The following LRRC37A2 variants were observed in gnomAD, a reference collection of about 807,000 sequenced individuals.
LRRC37A2 encodes leucine rich repeat containing 37 member A2.
Under a neutral mutation model 68.8 loss-of-function variants are expected in LRRC37A2, and 9 were observed. The ratio of observed to expected loss-of-function variants is 0.13; its 90% confidence interval spans 0.08 to 0.23. LRRC37A2 has a LOEUF of 0.23. Ranked by LOEUF, LRRC37A2 falls within the 10% of genes least tolerant of loss-of-function variation. LRRC37A2 has a pLI of 1.00. For missense variants in LRRC37A2, 168 were observed against 950.4 expected (o/e 0.18, Z 10.82); for synonymous variants, 63 against 367.6 (o/e 0.17, Z 9.48).
At chr17:46,775,130 C>T in the LRRC37A2 span, among the ~76,000 whole-genome samples, 140 of 152,316 alleles carry the variant, frequency 9.2e-4, no homozygotes, top group African/African-American at 3.2e-3. Context: ...GACACAGGGC[C>T]GAGCCAAACA....
the LRRC37A2 span, among the ~76,000 whole-genome samples, chr17:46,747,156 A>C: frequency 6.6e-6 from 1 of 152,246 alleles, no homozygotes; most frequent in African/African-American, 2.4e-5. Context: ...AATGTGAATT[A>C]GCTATCCAGC....
chr17:46,955,895 G>A, the LRRC37A2 span, among the ~76,000 whole-genome samples: 1 of 152,124 alleles, frequency 6.6e-6, no homozygotes, highest in East Asian at 1.9e-4. Flanking sequence ...TCTAGAGCAA[G>A]AGCTGTGTCT....
chr17:46,780,600 C>A, the LRRC37A2 span, among the ~76,000 whole-genome samples: 1 of 151,984 alleles, frequency 6.6e-6, no homozygotes, highest in Non-Finnish European at 1.5e-5. Flanking sequence ...CACGGTGAAA[C>A]CCCGTCTCTA....
At chr17:46,970,175 G>A in the LRRC37A2 span, among the ~76,000 whole-genome samples, 51 of 152,240 alleles carry the variant, frequency 3.3e-4, no homozygotes, top group Non-Finnish European at 5.9e-4. Context: ...CGGCTGTCCT[G>A]CCTCATCTCC....
chr17:46,649,581 TATA>T, the LRRC37A2 span, among the ~76,000 whole-genome samples: 2 of 150,566 alleles, frequency 1.3e-5, no homozygotes, highest in Non-Finnish European at 2.9e-5. Context: ...AGTTGGTGAT[TATA>T]ATGAGGGTGG....
the LRRC37A2 span, among the ~76,000 whole-genome samples, chr17:47,046,173 A>G: frequency 1.5e-5 from 2 of 131,318 alleles, no homozygotes; most frequent in Non-Finnish European, 3.3e-5. Flanking sequence ...CTGAAAATAC[A>G]AAAGTACAAA....
At chr17:46,815,858 A>T in the LRRC37A2 span, among the ~76,000 whole-genome samples, 3 of 151,940 alleles carry the variant, frequency 2.0e-5, no homozygotes, top group African/African-American at 7.3e-5. Flanking sequence ...TGCCCACCAA[A>T]CACCCAAGCT....
the LRRC37A2 span, among the ~76,000 whole-genome samples, chr17:46,919,141 C>G: frequency 2.6e-5 from 4 of 152,286 alleles, no homozygotes; most frequent in East Asian, 7.7e-4. Context: ...TCAGCCCTTG[C>G]ATTGTGCTTG....
At chr17:46,902,197 T>A in the LRRC37A2 span, among the ~76,000 whole-genome samples, 1 of 152,188 alleles carries the variant, frequency 6.6e-6, no homozygotes, top group Non-Finnish European at 1.5e-5. Flanking sequence ...GATGCTGCCC[T>A]CCTGAAGCAT....
the LRRC37A2 span, among the ~76,000 whole-genome samples, chr17:46,812,999 A>G: frequency 6.6e-6 from 1 of 152,170 alleles, no homozygotes; most frequent in African/African-American, 2.4e-5. Context: ...GTAGTACATG[A>G]AAAAGCCAGA....
the LRRC37A2 span, among the ~76,000 whole-genome samples, chr17:46,890,453 C>T: frequency 3.3e-5 from 5 of 152,104 alleles, no homozygotes; most frequent in Non-Finnish European, 5.9e-5. Flanking sequence ...GCTCAGGCCC[C>T]GAGACCAGGG....
At chr17:46,912,379 G>T in the LRRC37A2 span, among the ~76,000 whole-genome samples, 1 of 152,216 alleles carries the variant, frequency 6.6e-6, no homozygotes, top group African/African-American at 2.4e-5. Context: ...CTGCTGGTAG[G>T]GGTCCAGCTC....
intron 8 of LRRC37A2, among the ~76,000 whole-genome samples, chr17:46,542,221 AT>A (rs1230987875): frequency 1.4e-5 from 2 of 139,474 alleles, no homozygotes; most frequent in Non-Finnish European, 3.0e-5. Flanking sequence ...ATGGCTTGTG[AT>A]TTTTTGTTTC....
chr17:46,467,618 C>A, the LRRC37A2 span, among the ~76,000 whole-genome samples: 1 of 100,704 alleles, frequency 9.9e-6, no homozygotes, highest in Non-Finnish European at 2.2e-5. Context: ...AAAGAATTTC[C>A]AGTTCGATAT....
the LRRC37A2 span, among the ~76,000 whole-genome samples, chr17:46,497,282 C>A: frequency 6.9e-6 from 1 of 145,678 alleles, no homozygotes; most frequent in Non-Finnish European, 1.5e-5. Flanking sequence ...GTGTTTTGGA[C>A]CATTTACATT....
At chr17:46,755,580 T>C in the LRRC37A2 span, 1 of 684,970 alleles carries the variant, frequency 1.5e-6, no homozygotes, top group Non-Finnish European at 2.4e-6. Flanking sequence ...CTTGTCACAA[T>C]GCAGGAAAAA....
the LRRC37A2 span, among the ~76,000 whole-genome samples, chr17:47,003,316 C>T: frequency 6.7e-6 from 1 of 149,180 alleles, no homozygotes; most frequent in Non-Finnish European, 1.5e-5. Flanking sequence ...TACAATGATA[C>T]AGTCGGGCAC....
the LRRC37A2 span, among the ~76,000 whole-genome samples, chr17:46,778,121 G>T: frequency 6.6e-6 from 1 of 152,212 alleles, no homozygotes; most frequent in African/African-American, 2.4e-5. Flanking sequence ...TATGGTTACG[G>T]TGTGTGTGGA....
chr17:46,569,294 C>T, the LRRC37A2 span, among the ~76,000 whole-genome samples: 1 of 149,580 alleles, frequency 6.7e-6, no homozygotes, highest in South Asian at 2.1e-4. Context: ...GGACTAGGTG[C>T]TAGATATTAA....
Sources: gnomAD v4.1 joint callset for allele counts (sites outside exome capture counted in the v4.1 genomes callset) on GRCh38, gnomAD v4.1.1 for gene constraint, MANE v1.5 for transcripts, NCBI Gene and HGNC (gene_info 2026-07-23, HGNC 2026-07-21) for gene names.